Variants in CLRN1 observed in about 807,000 individuals in gnomAD.
CLRN1 encodes clarin-1.
In CLRN1, 15 loss-of-function variants were observed where a neutral mutation model predicts 18.7. The observed-to-expected ratio is 0.80, with a 90% CI of 0.54 to 1.23. CLRN1 has a LOEUF of 1.23. CLRN1 is among the 50% of genes most tolerant of loss of function. The pLI is 0.00. For synonymous variants in CLRN1, 104 were observed against 102.9 expected (o/e 1.01, Z -0.07); for missense variants, 311 against 277.5 (o/e 1.12, Z -0.86).
At chr3:150,934,862 A>G (rs1474929919) in intron 2 of CLRN1, among the ~76,000 whole-genome samples, 2 of 151,220 alleles carry the variant, frequency 1.3e-5, no homozygotes, top group Admixed American at 1.3e-4. Context: ...TGTATTATAA[A>G]TCTTGAGGGA....
chr3:150,944,588 G>A (rs542083044), intron 1 of CLRN1, among the ~76,000 whole-genome samples: 23 of 151,810 alleles, frequency 1.5e-4, no homozygotes, highest in Admixed American at 1.3e-3. Flanking sequence ...GGCCGGGTGC[G>A]GTGGCTCACG....
chr3:150,937,002 T>C (rs1181730778), intron 2 of CLRN1, among the ~76,000 whole-genome samples: 1 of 152,214 alleles, frequency 6.6e-6, no homozygotes, highest in Admixed American at 6.5e-5. Flanking sequence ...GCTATCTTTC[T>C]CTTTCATAGC....
In CLRN1 at chr3:150,941,134, G is replaced by GTCTATCTATCTATCTATCTA. The variant is rs147455281; in HGVS notation, c.433+447_433+448insTAGATAGATAGATAGATAGA. On this transcript the variant is annotated intron_variant, in intron 2 of 2. Transcript: ENST00000327047. The stretch of plus-strand genomic sequence containing the variant: ...AGATTGGAGTCTGTATTGTCTGTCT[G>GTCTATCTATCTATCTATCTA]TCTGTCTATCTATCTATCTATCTAT... Among the ~76,000 whole-genome samples the GTCTATCTATCTATCTATCTA allele has an allele frequency of 7.4e-4, 98 of 131,720 alleles. 1 individual carries two copies. Among genetic ancestry groups the GTCTATCTATCTATCTATCTA allele is most frequent in the Middle Eastern group, 7.7e-3 (2 of 260 alleles). The allele number at this position is 131,720 out of a possible 152,430, so 86.4% of individuals were successfully genotyped here.
chr3:150,941,813 G>T (rs901504953), intron 1 of CLRN1, 52 bp from the exon 2 acceptor site: 3 of 1,476,674 alleles, frequency 2.0e-6, no homozygotes, highest in African/African-American at 1.4e-5. Context: ...GCAGTAGTCT[G>T]CAAGTATAAT....
intron 1 of CLRN1, chr3:150,944,250 T>C (rs1165122734): frequency 3.2e-6 from 1 of 309,252 alleles, no homozygotes; most frequent in African/African-American, 2.2e-5. Context: ...GTGGGATTAT[T>C]GTGCTGGGAA....
At chr3:150,954,436 T>C (rs1183020424) in intron 1 of CLRN1, among the ~76,000 whole-genome samples, 2 of 152,250 alleles carry the variant, frequency 1.3e-5, no homozygotes, top group East Asian at 3.8e-4. Context: ...TTTTCGATGA[T>C]GTGTTTGTAT....
At chr3:150,942,990 AG>A (rs1233287855) in intron 1 of CLRN1, among the ~76,000 whole-genome samples, 1 of 152,178 alleles carries the variant, frequency 6.6e-6, no homozygotes, top group Non-Finnish European at 1.5e-5. Flanking sequence ...CAGACACACA[AG>A]GGAAGAAGCT....
chr3:150,949,222 G>A (rs1388266843), intron 1 of CLRN1, among the ~76,000 whole-genome samples: 1 of 152,074 alleles, frequency 6.6e-6, no homozygotes, highest in Admixed American at 6.6e-5. Context: ...AATAATAATA[G>A]CCATATATGA....
intron 1 of CLRN1, among the ~76,000 whole-genome samples, chr3:150,952,850 T>C (rs1714562077): frequency 6.6e-6 from 1 of 152,238 alleles, no homozygotes; most frequent in Non-Finnish European, 1.5e-5. Context: ...TTAATTCTTA[T>C]GAAATCTCTG....
At chr3:150,953,949 C>T (rs1298704643) in intron 1 of CLRN1, among the ~76,000 whole-genome samples, 1 of 152,172 alleles carries the variant, frequency 6.6e-6, no homozygotes, top group African/African-American at 2.4e-5. Context: ...TGCCCAAAGT[C>T]GCACAGTGGC....
chr3:150,959,441 C>T (rs1331729198), intron 1 of CLRN1, among the ~76,000 whole-genome samples: 1 of 151,940 alleles, frequency 6.6e-6, no homozygotes, highest in Non-Finnish European at 1.5e-5. Flanking sequence ...CCAGCCTGGC[C>T]AACATGGTGA....
intron 1 of CLRN1, chr3:150,943,888 C>T (rs1559983915): frequency 5.0e-6 from 8 of 1,613,982 alleles, no homozygotes; most frequent in Admixed American, 3.3e-5. Flanking sequence ...CTGGTTCCTG[C>T]ACTCGTTCAC....
intron 2 of CLRN1, among the ~76,000 whole-genome samples, chr3:150,928,762 C>T (rs528603335): frequency 2.0e-5 from 3 of 152,308 alleles, no homozygotes; most frequent in South Asian, 2.1e-4. Flanking sequence ...ATTGAGGTGG[C>T]GCACATCTCT....
At chr3:150,967,467 G>A (rs1376912413) in intron 1 of CLRN1, among the ~76,000 whole-genome samples, 1 of 152,016 alleles carries the variant, frequency 6.6e-6, no homozygotes, top group African/African-American at 2.4e-5. Context: ...CTAGACAACA[G>A]GACCCCTAAG....
chr3:150,927,007 G>T lies in CLRN1; in HGVS notation c.*929C>A, dbSNP rs1390162310. On this transcript the variant is annotated 3_prime_UTR_variant, in exon 3 of 3. Transcript: ENST00000327047. ...CAGATTTAATATAATTTTCATAATT[G>T]CATATTAGTACTCGAGACACTATAG... 6.7e-7 allele frequency: 1 copy of T among 1,485,294 alleles called. No homozygotes were observed. The highest frequency in any genetic ancestry group is 1.2e-5 in the South Asian group (1 of 83,054). 92.0% of individuals were successfully genotyped at this position (1,485,294 alleles called of 1,614,324 possible).
chr3:150,967,227 T>C (rs895239008), intron 1 of CLRN1, among the ~76,000 whole-genome samples: 9 of 152,158 alleles, frequency 5.9e-5, no homozygotes, highest in Non-Finnish European at 1.0e-4. Flanking sequence ...TGCAGGGAAA[T>C]ACACATTCTC....
chr3:150,952,173 A>C (rs1299096223), intron 1 of CLRN1, among the ~76,000 whole-genome samples: 1 of 152,186 alleles, frequency 6.6e-6, no homozygotes, highest in African/African-American at 2.4e-5. Flanking sequence ...ATCCCAACCT[A>C]CGATGGTTCG....
At chr3:150,953,046 G>C (rs1335087329) in intron 1 of CLRN1, among the ~76,000 whole-genome samples, 1 of 152,118 alleles carries the variant, frequency 6.6e-6, no homozygotes, top group Admixed American at 6.6e-5. Flanking sequence ...CTTTTCCTTG[G>C]TTGAAGCTGA....
rs191137258 is a variant in CLRN1, at chr3:150,927,152, T to C, written c.*784A>G. 102 of 662,158 alleles carry C rather than the reference T, an allele frequency of 1.5e-4. No individual in the cohort carries two copies. Among genetic ancestry groups the C allele is most frequent in the South Asian group, 1.1e-3 (72 of 66,574 alleles). The allele number at this position is 662,158 out of a possible 1,614,324, so 41.0% of individuals were successfully genotyped here. A position where few individuals can be genotyped will look rare whatever the true frequency, so the allele number is the denominator to read the frequency against. ...ATTGAAAGTACTGTCGTGAATGTAATTGGGACTCAGGCACGGGAGGAAAAA... is the reference window on the plus strand; with the variant it reads ...ATTGAAAGTACTGTCGTGAATGTAACTGGGACTCAGGCACGGGAGGAAAAA... On this transcript the variant is annotated 3_prime_UTR_variant, in exon 3 of 3. Coordinates refer to ENST00000327047, the MANE Select transcript of CLRN1 (RefSeq NM_174878.3).
Sources: gnomAD v4.1 joint callset for allele counts (sites outside exome capture counted in the v4.1 genomes callset) on GRCh38, gnomAD v4.1.1 for gene constraint, MANE v1.5 for transcripts, NCBI Gene and HGNC (gene_info 2026-07-23, HGNC 2026-07-21) for gene names.